FHIT: variants seen among roughly 807,000 people sequenced by gnomAD.
The protein encoded by FHIT is fragile histidine triad diadenosine triphosphatase.
FHIT carries 19 observed loss-of-function variants against 17.9 expected under a neutral mutation model. The observed-to-expected ratio is 1.06, with a 90% CI of 0.74 to 1.56. The LOEUF is 1.56. FHIT is among the 40% of genes most tolerant of loss of function. FHIT has a pLI of 0.00. For missense variants in FHIT, 248 were observed against 189.2 expected, an observed-to-expected ratio of 1.31 and a Z score of -1.82; for synonymous variants, 81 against 69.7, an observed-to-expected ratio of 1.16 and a Z score of -0.81.
intron 7 of FHIT, among the ~76,000 whole-genome samples, chr3:59,987,204 ATATT>A (rs1553641971): frequency 4.1e-5 from 6 of 148,060 alleles, no homozygotes; most frequent in African/African-American, 1.5e-4. Context: ...AATCCTATAT[ATATT>A]TATTTATTTA....
chr3:60,161,419 A>C (rs182482280), intron 5 of FHIT, among the ~76,000 whole-genome samples: 81 of 152,244 alleles, frequency 5.3e-4, no homozygotes, highest in African/African-American at 1.2e-3. Context: ...GTGCTTAGGA[A>C]TCTCCGGGTA....
chr3:61,101,589 A>G (rs1304933462), intron 2 of FHIT, among the ~76,000 whole-genome samples: 1 of 152,170 alleles, frequency 6.6e-6, no homozygotes, highest in African/African-American at 2.4e-5. Flanking sequence ...AATTCTATGA[A>G]GAAAGTCACT....
chr3:59,915,381 G>A (rs140288587), intron 8 of FHIT, among the ~76,000 whole-genome samples: 3 of 152,264 alleles, frequency 2.0e-5, no homozygotes, highest in South Asian at 2.1e-4. Context: ...GCGATTGAAC[G>A]TATTCAAACA....
At chr3:59,898,645 T>TTTC (rs1704185707) in intron 8 of FHIT, among the ~76,000 whole-genome samples, 1 of 152,192 alleles carries the variant, frequency 6.6e-6, no homozygotes, top group Non-Finnish European at 1.5e-5. Context: ...AATCTTTTTT[T>TTTC]TTCTTCTTTT....
intron 5 of FHIT, among the ~76,000 whole-genome samples, chr3:60,032,157 C>G (rs1360140807): frequency 1.3e-5 from 2 of 152,226 alleles, no homozygotes; most frequent in African/African-American, 4.8e-5. Flanking sequence ...ACTGTGTTAA[C>G]TGGTATTAAA....
At chr3:61,167,798 G>C (rs2037886134) in intron 2 of FHIT, among the ~76,000 whole-genome samples, 1 of 152,054 alleles carries the variant, frequency 6.6e-6, no homozygotes, top group Admixed American at 6.6e-5. Flanking sequence ...GTTTTTGGAG[G>C]CCCAAGCACA....
intron 4 of FHIT, among the ~76,000 whole-genome samples, chr3:60,589,322 T>C (rs1234339084): frequency 6.6e-6 from 1 of 152,022 alleles, no homozygotes; most frequent in Admixed American, 6.6e-5. Flanking sequence ...AAACACACTT[T>C]GTAGAACCAA....
chr3:60,689,230 G>A (rs577085178), intron 4 of FHIT, among the ~76,000 whole-genome samples: 15 of 152,076 alleles, frequency 9.9e-5, no homozygotes, highest in African/African-American at 1.4e-4. Flanking sequence ...CCCCAGCCAC[G>A]TGGAACTGCA....
At chr3:60,499,432 C>T (rs2034432027) in intron 5 of FHIT, among the ~76,000 whole-genome samples, 1 of 152,134 alleles carries the variant, frequency 6.6e-6, no homozygotes, top group Non-Finnish European at 1.5e-5. Flanking sequence ...CGCTCTGTCG[C>T]CCAGGCTGGA....
intron 8 of FHIT, among the ~76,000 whole-genome samples, chr3:59,837,276 G>T (rs1701371117): frequency 1.3e-5 from 2 of 152,096 alleles, no homozygotes; most frequent in Admixed American, 6.5e-5. Context: ...AAAATGCACG[G>T]ATGTTCAGGT....
At chr3:60,542,789 T>G (rs1424559214) in intron 4 of FHIT, among the ~76,000 whole-genome samples, 2 of 152,208 alleles carry the variant, frequency 1.3e-5, no homozygotes, top group Non-Finnish European at 2.9e-5. Context: ...TTTTTATAGT[T>G]TGTGCTCTGC....
chr3:60,211,806 C>T (rs572386773), intron 5 of FHIT, among the ~76,000 whole-genome samples: 9 of 152,270 alleles, frequency 5.9e-5, no homozygotes, highest in African/African-American at 2.2e-4. Flanking sequence ...AAACCACTCT[C>T]CCAAAGATGA....
Position 60,171,523 on chromosome 3 carries a change from G to A in FHIT, c.104-157371C>T, listed in dbSNP as rs1028141559. On this transcript the variant is annotated intron_variant, in intron 5 of 9. Transcript: ENST00000492590. ...ATGCTGAATTGCTGAATTTCTGAAT[G>A]GTTTCCATCTCATTTTCCAAAGAAA... Among the ~76,000 whole-genome samples, 68 of 152,162 alleles carry A rather than the reference G, an allele frequency of 4.5e-4. 1 individual carries two copies. The highest frequency in any genetic ancestry group is 1.6e-3 in the African/African-American group (67 of 41,522).
chr3:60,046,724 T>G, intron 5 of FHIT, among the ~76,000 whole-genome samples: 1 of 152,106 alleles, frequency 6.6e-6, no homozygotes, highest in South Asian at 2.1e-4. Flanking sequence ...AGTAGAAAAA[T>G]TTTGTCTGTA....
chr3:60,329,078 T>G (rs1457274177), intron 5 of FHIT, among the ~76,000 whole-genome samples: 2 of 152,218 alleles, frequency 1.3e-5, no homozygotes, highest in Non-Finnish European at 2.9e-5. Context: ...TCATATGGAT[T>G]TAATTAGTTA....
intron 4 of FHIT, among the ~76,000 whole-genome samples, chr3:60,735,306 T>G (rs1046666139): frequency 5.3e-5 from 8 of 152,200 alleles, no homozygotes; most frequent in Non-Finnish European, 7.3e-5. Flanking sequence ...GGTACCATCA[T>G]CCTCACTTTC....
intron 5 of FHIT, among the ~76,000 whole-genome samples, chr3:60,457,765 G>A (rs1008683059): frequency 1.3e-5 from 2 of 148,536 alleles, no homozygotes; most frequent in African/African-American, 4.9e-5. Flanking sequence ...ATCAAAAACT[G>A]GGCGAAGGAT....
At chr3:60,574,877 C>A (rs1160081715) in intron 4 of FHIT, among the ~76,000 whole-genome samples, 1 of 151,742 alleles carries the variant, frequency 6.6e-6, no homozygotes, top group Admixed American at 6.6e-5. Flanking sequence ...TGTTGCCCCC[C>A]ACCCCCCATG....
At chr3:61,068,244 T>C (rs1264320568) in intron 2 of FHIT, among the ~76,000 whole-genome samples, 1 of 152,196 alleles carries the variant, frequency 6.6e-6, no homozygotes, top group Non-Finnish European at 1.5e-5. Flanking sequence ...GCAGACTCCT[T>C]TCTGCAGTCT....
Sources: gnomAD v4.1 joint callset for allele counts (sites outside exome capture counted in the v4.1 genomes callset) on GRCh38, gnomAD v4.1.1 for gene constraint, MANE v1.5 for transcripts, NCBI Gene and HGNC (gene_info 2026-07-23, HGNC 2026-07-21) for gene names.